Variants in ANXA4 observed in about 807,000 individuals in gnomAD.
The protein encoded by ANXA4 is 35-beta calcimedin.
Under a neutral mutation model 49.8 loss-of-function variants are expected in ANXA4, and 39 were observed. The observed-to-expected ratio is 0.78, with a 90% CI of 0.61 to 1.02. The LOEUF (loss-of-function observed/expected upper bound fraction) is 1.02, where lower values mean the gene tolerates loss of function less well. Ranked by LOEUF, ANXA4 falls within the 50% of genes least tolerant of loss-of-function variation. ANXA4 has a pLI of 0.00. For synonymous variants in ANXA4, 134 were observed against 152.5 expected (o/e 0.88, Z 0.89); for missense variants, 360 against 410.1 (o/e 0.88, Z 1.05).
intron 3 of ANXA4, among the ~76,000 whole-genome samples, chr2:69,727,644 T>G (rs1191916909): frequency 2.0e-5 from 3 of 152,234 alleles, no homozygotes; most frequent in African/African-American, 7.2e-5. Context: ...TATTTTTAGT[T>G]ATTCATTTTG....
chr2:69,696,699 T>C (rs772655011), intron 2 of ANXA4, among the ~76,000 whole-genome samples: 1 of 152,232 alleles, frequency 6.6e-6, no homozygotes, highest in Non-Finnish European at 1.5e-5. Flanking sequence ...CCTTGATCCA[T>C]GGGCTACAGA....
In ANXA4 at chr2:69,818,712, G is replaced by C; in HGVS notation, c.724+18G>C. 1.3e-6 allele frequency: 2 copies of C among 1,505,576 alleles called. No individual in the cohort carries two copies. The highest frequency in any genetic ancestry group is 1.8e-6 in the Non-Finnish European group (2 of 1,092,536). 93.3% of individuals were successfully genotyped at this position (1,505,576 alleles called of 1,614,324 possible). On this transcript the variant is annotated intron_variant, in intron 10 of 12. Coordinates refer to ENST00000394295, the MANE Select transcript of ANXA4 (RefSeq NM_001153.5). ...GGCTATAGGTAAGCTGGTAGGGGGA[G>C]TAGAGAAACAAATGTTTATAGATTT... is the stretch of plus-strand genomic sequence containing the variant.
Position 69,716,200 on chromosome 2 carries a change from G to A in ANXA4, n.767-4574G>A, listed in dbSNP as rs559465951. Among the ~76,000 whole-genome samples the A allele has an allele frequency of 6.3e-4, 96 of 152,198 alleles. 1 individual carries two copies. Among genetic ancestry groups the A allele is most frequent in the African/African-American group, 2.1e-3 (86 of 41,522 alleles). ...GAGAGAGAGCTGACAGCATTGTTTG[G>A]GTGTCTGGATCTAGCCATTCCTGTG... On this transcript the variant is annotated intron_variant and non_coding_transcript_variant, in intron 2 of 3. Transcript: ENST00000418066.
intron 2 of ANXA4, among the ~76,000 whole-genome samples, chr2:69,694,473 G>A (rs147013607): frequency 0.03 from 4,471 of 149,006 alleles, 228 homozygotes; most frequent in African/African-American, 0.11. Context: ...CCATTAACTC[G>A]TCATTTAGCA....
intron 12 of ANXA4, among the ~76,000 whole-genome samples, chr2:69,824,024 A>C (rs1674354218): frequency 6.6e-6 from 1 of 151,944 alleles, no homozygotes; most frequent in African/African-American, 2.4e-5. Context: ...AGCTGCAGTG[A>C]GCTATGACCA....
intron 2 of ANXA4, among the ~76,000 whole-genome samples, chr2:69,683,231 A>T (rs1203372023): frequency 2.0e-5 from 3 of 152,222 alleles, no homozygotes; most frequent in Non-Finnish European, 4.4e-5. Flanking sequence ...GTTCCCAGTG[A>T]AAAGAACTCT....
chr2:69,651,626 C>G (rs1037489172), intron 1 of ANXA4, among the ~76,000 whole-genome samples: 2 of 151,400 alleles, frequency 1.3e-5, no homozygotes, highest in African/African-American at 4.9e-5. Flanking sequence ...CCTCGGCCTC[C>G]GGAGTAGCTG....
intron 2 of ANXA4, among the ~76,000 whole-genome samples, chr2:69,714,814 T>C (rs945195206): frequency 1.3e-5 from 2 of 152,180 alleles, no homozygotes; most frequent in Non-Finnish European, 2.9e-5. Flanking sequence ...TTCCCTTGGC[T>C]TCCCCGGGGC....
intron 2 of ANXA4, among the ~76,000 whole-genome samples, chr2:69,687,045 C>T (rs1677814808): frequency 6.6e-6 from 1 of 152,202 alleles, no homozygotes; most frequent in African/African-American, 2.4e-5. Context: ...AGAGGAGCGG[C>T]GCTGTGCAGC....
chr2:69,819,385 T>C (rs771491173), intron 11 of ANXA4, 47 bp downstream of exon 11: 4 of 1,440,448 alleles, frequency 2.8e-6, no homozygotes, highest in Admixed American at 1.9e-5. Flanking sequence ...AGTTATCTTG[T>C]GTCCACCTTC....
chr2:69,786,305 G>C lies in ANXA4; in HGVS notation c.10-1749G>C, dbSNP rs1406348217. On this transcript the variant is annotated intron_variant, in intron 2 of 12. Coordinates refer to ENST00000394295, the MANE Select transcript of ANXA4 (RefSeq NM_001153.5). ...CTGTCGCCTTTGCTCCAAAACATGT[G>C]CTGAGCTGTCTGTTCCTCTGTTTAT... Among the ~76,000 whole-genome samples the C allele has an allele frequency of 8.5e-5, 13 of 152,272 alleles. No homozygotes were observed. In the South Asian group the frequency reaches 2.7e-3, roughly 32 times the overall value.
chr2:69,646,657 C>G (rs909369093), intron 1 of ANXA4, among the ~76,000 whole-genome samples: 1 of 152,140 alleles, frequency 6.6e-6, no homozygotes, highest in Non-Finnish European at 1.5e-5. Context: ...ATAAACAAGA[C>G]CTAAGGCTGT....
At chr2:69,716,581 A>G (rs946421160) in intron 2 of ANXA4, among the ~76,000 whole-genome samples, 5 of 152,092 alleles carry the variant, frequency 3.3e-5, no homozygotes, top group Admixed American at 2.0e-4. Context: ...GGAGCCCCCA[A>G]AGGGTTTCAA....
Position 69,729,514 on chromosome 2 carries a change from A to C in ANXA4, n.864+8643A>C, listed in dbSNP as rs549312589. On this transcript the variant is annotated intron_variant and non_coding_transcript_variant, in intron 3 of 3. Coordinates refer to the ANXA4 transcript ENST00000418066. ...CAATGTCTGGAGACATTTTTGGCACAACTTAGGGGTGGTGCTACAGGTGTC... is the reference window on the plus strand; with the variant it reads ...CAATGTCTGGAGACATTTTTGGCACCACTTAGGGGTGGTGCTACAGGTGTC... 5.9e-5 allele frequency among the ~76,000 whole-genome samples: 9 copies of C among 152,348 alleles called. No individual in the cohort carries two copies. The South Asian group carries it at 1.7e-3, about 28-fold the overall frequency.
chr2:69,683,849 G>C (rs1677690071), intron 2 of ANXA4, among the ~76,000 whole-genome samples: 1 of 152,212 alleles, frequency 6.6e-6, no homozygotes, highest in Non-Finnish European at 1.5e-5. Context: ...GAACAAAGCG[G>C]TGGTGAACCT....
chr2:69,656,287 A>ATG (rs1559045961), intron 2 of ANXA4, among the ~76,000 whole-genome samples: 86 of 112,100 alleles, frequency 7.7e-4, no homozygotes, highest in Middle Eastern at 3.8e-3. Flanking sequence ...GTATATATAT[A>ATG]CATATATGTA....
At chr2:69,658,841 C>T (rs1459323906) in intron 2 of ANXA4, among the ~76,000 whole-genome samples, 2 of 152,098 alleles carry the variant, frequency 1.3e-5, no homozygotes, top group Admixed American at 6.5e-5. Context: ...ATTACAGGTG[C>T]GCAGCACCAC....
intron 2 of ANXA4, among the ~76,000 whole-genome samples, chr2:69,664,714 TACCCCCTACCTCAATC>T (rs1404729210): frequency 6.6e-6 from 1 of 152,204 alleles, no homozygotes; most frequent in Non-Finnish European, 1.5e-5. Flanking sequence ...CCAAAAACCC[TACCCCCTACCTCAATC>T]AAGAGATGGC....
chr2:69,656,305 GTATATATGTATATATATGTA>G (rs200681063), intron 2 of ANXA4, among the ~76,000 whole-genome samples: 14 of 108,864 alleles, frequency 1.3e-4, no homozygotes, highest in African/African-American at 5.2e-4. Context: ...GTATATATAT[GTATATATGTATATATATGTA>G]TATATATGTG....
Sources: allele counts gnomAD v4.1 joint callset (sites outside exome capture counted in the v4.1 genomes callset), GRCh38; gene constraint gnomAD v4.1.1; transcripts MANE v1.5; gene names NCBI Gene and HGNC (gene_info 2026-07-23, HGNC 2026-07-21).